The following ERO1A variants were observed in gnomAD, a reference collection of about 807,000 sequenced individuals.
ERO1A encodes the protein endoplasmic reticulum oxidoreductase 1 alpha, also known as ERO1-like protein alpha.
A neutral mutation model predicts 76.9 loss-of-function variants in ERO1A; 49 were observed. The observed-to-expected ratio is 0.64, with a 90% CI of 0.51 to 0.81. The LOEUF is 0.81. Ranked by LOEUF, ERO1A falls within the 30% of genes least tolerant of loss-of-function variation. The pLI is 0.00. For missense variants in ERO1A, 448 were observed against 542.1 expected (o/e 0.83, Z 1.72); for synonymous variants, 174 against 181.2 (o/e 0.96, Z 0.32).
At chr14:52,663,528 A>T (rs945048833) in intron 8 of ERO1A, among the ~76,000 whole-genome samples, 1 of 151,138 alleles carries the variant, frequency 6.6e-6, no homozygotes, top group Non-Finnish European at 1.5e-5. Context: ...TGAACCCGGG[A>T]GGCGAAGTTT....
intron 1 of ERO1A, among the ~76,000 whole-genome samples, chr14:52,693,481 A>C (rs77032962): frequency 0.048 from 7,325 of 152,124 alleles, 600 homozygotes; most frequent in African/African-American, 0.17. Context: ...CATGTGAATT[A>C]ATACTTAATA....
rs750403141 is a variant in ERO1A at position 52,666,451 on chromosome 14, G to C, written c.553C>G (p.Pro185Ala). 6.2e-7 allele frequency: 1 copy of C among 1,610,524 alleles called. No individual in the cohort carries two copies. The highest frequency in any genetic ancestry group is 1.1e-5 in the South Asian group (1 of 90,186). Residue 185 changes from proline (P) to alanine (A), a missense_variant, in exon 7 of 16, where the codon CCT becomes GCT. By Grantham distance (27) the Pro-to-Ala change is conservative. Coordinates refer to ENST00000395686, the MANE Select transcript of ERO1A (RefSeq NM_014584.3). The part of the protein sequence containing the change: ...EAEYVDLLLN[P>A]ERYTGYKGPD... ...CCCTTGTAACCAGTGTAGCGCTCAGGATTAAGAAGCAAATCTACATATTCA... is the reference window on the plus strand; with the variant it reads ...CCCTTGTAACCAGTGTAGCGCTCAGCATTAAGAAGCAAATCTACATATTCA...
Position 52,652,249 on chromosome 14 carries a change from T to C in ERO1A, c.1115A>G (p.His372Arg). The change falls in exon 13 of 16, where the codon CAC becomes CGC. Residue 372 changes from histidine (H) to arginine (R), a missense_variant. By Grantham distance (29) the His-to-Arg change is conservative. Coordinates refer to ENST00000395686, the MANE Select transcript of ERO1A (RefSeq NM_014584.3). ...GTATAAAGTAATTACCTTTAGTTTGTGTGCTTCTTTTTTATCCCCAGCAAA... is the reference window on the plus strand; with the variant it reads ...GTATAAAGTAATTACCTTTAGTTTGCGTGCTTCTTTTTTATCCCCAGCAAA... ...SFFAGDKKEA[H>R]KLKEDFRLHF... 2 of 1,598,598 alleles carry C rather than the reference T, an allele frequency of 1.3e-6. No homozygotes were observed. Among genetic ancestry groups the C allele is most frequent in the Non-Finnish European group, 1.7e-6 (2 of 1,165,864 alleles).
chr14:52,672,465 T>A (rs1282552787), intron 4 of ERO1A, among the ~76,000 whole-genome samples: 2 of 152,158 alleles, frequency 1.3e-5, no homozygotes, highest in Admixed American at 1.3e-4. Context: ...TTCATTATTT[T>A]AAATGTTTTG....
chr14:52,685,743 G>A (rs2041155857), intron 1 of ERO1A, among the ~76,000 whole-genome samples: 1 of 152,096 alleles, frequency 6.6e-6, no homozygotes, highest in South Asian at 2.1e-4. Context: ...TCAGGAAGCT[G>A]TCCTTCCAGT....
intron 11 of ERO1A, among the ~76,000 whole-genome samples, chr14:52,654,954 A>C (rs1201018401): frequency 6.6e-6 from 1 of 152,220 alleles, no homozygotes; most frequent in African/African-American, 2.4e-5. Context: ...TTAACTAGAG[A>C]GTTTGCTTAT....
intron 1 of ERO1A, among the ~76,000 whole-genome samples, chr14:52,686,562 TAAATGGTA>T (rs904977075): frequency 1.4e-5 from 2 of 147,616 alleles, no homozygotes; most frequent in African/African-American, 5.1e-5. Flanking sequence ...GAAGGCAGGA[TAAATGGTA>T]GATTGGTAGA....
chr14:52,675,340 G>A (rs1594831012), intron 4 of ERO1A, among the ~76,000 whole-genome samples: 2 of 151,286 alleles, frequency 1.3e-5, no homozygotes, highest in East Asian at 1.9e-4. Context: ...CCAAGATCGC[G>A]CCATTGCACT....
intron 12 of ERO1A, among the ~76,000 whole-genome samples, 156 bp from the exon 13 acceptor site, chr14:52,652,464 A>C (rs1311359990): frequency 6.6e-6 from 1 of 152,170 alleles, no homozygotes; most frequent in Admixed American, 6.5e-5. Flanking sequence ...CTCAAACCTC[A>C]AATCTTGATT....
At chr14:52,662,230 T>C (rs1247379370) in intron 8 of ERO1A, among the ~76,000 whole-genome samples, 1 of 152,206 alleles carries the variant, frequency 6.6e-6, no homozygotes, top group African/African-American at 2.4e-5. Flanking sequence ...AATTACTTTA[T>C]CAAATCATAA....
At chr14:52,677,625 G>A (rs1159389556) in intron 4 of ERO1A, among the ~76,000 whole-genome samples, 1 of 152,042 alleles carries the variant, frequency 6.6e-6, no homozygotes, top group Non-Finnish European at 1.5e-5. Flanking sequence ...AGCACTTTGG[G>A]AGGCTGAGGG....
intron 13 of ERO1A, among the ~76,000 whole-genome samples, chr14:52,647,964 C>A (rs537891567): frequency 6.8e-4 from 103 of 152,236 alleles, no homozygotes; most frequent in African/African-American, 2.3e-3. Context: ...TGATTGGAAC[C>A]CACTATTCAA....
At chr14:52,683,208 CAA>C (rs1239228947) in intron 2 of ERO1A, among the ~76,000 whole-genome samples, 1 of 140,462 alleles carries the variant, frequency 7.1e-6, no homozygotes, top group African/African-American at 2.6e-5. Context: ...GATTCTGTCT[CAA>C]AAAAAAAAAG....
At chr14:52,675,056 T>C (rs1271557770) in intron 4 of ERO1A, among the ~76,000 whole-genome samples, 2 of 152,118 alleles carry the variant, frequency 1.3e-5, no homozygotes, top group African/African-American at 4.8e-5. Context: ...GATGGACAGA[T>C]GAACAGACAT....
intron 9 of ERO1A, chr14:52,658,637 T>C (rs946173753): frequency 6.5e-6 from 1 of 153,000 alleles, no homozygotes; most frequent in African/African-American, 2.4e-5. Context: ...TTCAGGAAAA[T>C]GTTATAAACA....
In ERO1A at chr14:52,641,910, A is replaced by T. The variant is rs1566631976; in HGVS notation, c.*1660T>A. 6.6e-6 allele frequency: 1 copy of T among 152,340 alleles called. No homozygotes were observed. The highest frequency in any genetic ancestry group is 1.9e-4 in the East Asian group (1 of 5,176). The allele number at this position is 152,340 out of a possible 1,614,324, so 9.4% of individuals were successfully genotyped here. ...CATTCATCCAACAAATATTTATTGG[A>T]TACCAAGTATGTGCTTGGCACTGTA... is the stretch of plus-strand genomic sequence containing the variant. On this transcript the variant is annotated 3_prime_UTR_variant, in exon 16 of 16. Coordinates refer to ENST00000395686, the MANE Select transcript of ERO1A (RefSeq NM_014584.3).
intron 1 of ERO1A, among the ~76,000 whole-genome samples, chr14:52,684,777 T>C (rs2041125369): frequency 6.7e-6 from 1 of 148,290 alleles, no homozygotes; most frequent in Admixed American, 6.9e-5. Flanking sequence ...TAATAAATAT[T>C]ATCAATTATG....
At chr14:52,664,032 C>G (rs1462176877) in intron 7 of ERO1A, 185 bp from the exon 8 acceptor site, 7 of 422,442 alleles carry the variant, frequency 1.7e-5, no homozygotes, top group Non-Finnish European at 3.1e-5. Flanking sequence ...GATAATAGTT[C>G]CTGATCTTCT....
intron 3 of ERO1A, 24 bp from the exon 4 acceptor site, chr14:52,678,496 T>C: frequency 1.3e-6 from 2 of 1,588,102 alleles, no homozygotes; most frequent in Non-Finnish European, 1.7e-6. Flanking sequence ...AAATATGTTT[T>C]TAGTTGGCAT....
Sources: gnomAD v4.1 joint callset for allele counts (sites outside exome capture counted in the v4.1 genomes callset) on GRCh38, gnomAD v4.1.1 for gene constraint, MANE v1.5 for transcripts, NCBI Gene and HGNC (gene_info 2026-07-23, HGNC 2026-07-21) for gene names.